The following CALCR variants were observed in gnomAD, a reference collection of about 807,000 sequenced individuals.
The protein encoded by CALCR is calcitonin receptor.
A neutral mutation model predicts 59.5 loss-of-function variants in CALCR; 47 were observed. That is an observed-to-expected ratio of 0.79 (90% CI 0.63 to 1.01). CALCR has a LOEUF of 1.01. Among genes scored for constraint, CALCR ranks in the 50% least tolerant of loss-of-function variants. The pLI, the probability that CALCR is intolerant of heterozygous loss-of-function variation, is 0.00. For missense variants in CALCR, 566 were observed against 597.1 expected (o/e 0.95, Z 0.54); for synonymous variants, 213 against 211.3 (o/e 1.01, Z -0.07).
chr7:93,467,160 T>C (rs1385585650), intron 7 of CALCR, among the ~76,000 whole-genome samples: 4 of 151,798 alleles, frequency 2.6e-5, no homozygotes, highest in South Asian at 2.1e-4. Flanking sequence ...TGAAGTGCAA[T>C]TGAAAAATGA....
At chr7:93,472,102 C>T (rs936489183) in intron 6 of CALCR, among the ~76,000 whole-genome samples, 1 of 151,772 alleles carries the variant, frequency 6.6e-6, no homozygotes, top group African/African-American at 2.4e-5. Context: ...CTTTCATCTG[C>T]TCTATGGACA....
chr7:93,564,258 G>A (rs751472053), intron 2 of CALCR, among the ~76,000 whole-genome samples: 6 of 152,082 alleles, frequency 3.9e-5, no homozygotes, highest in Non-Finnish European at 7.4e-5. Context: ...TGTGGGGGGG[G>A]ACAGAGTGCT....
chr7:93,560,746 A>T (rs1273061797), intron 2 of CALCR, among the ~76,000 whole-genome samples: 5 of 152,106 alleles, frequency 3.3e-5, no homozygotes, highest in Non-Finnish European at 7.4e-5. Flanking sequence ...CCATTACTAA[A>T]ATTGTGGTGT....
At chr7:93,556,883 T>C (rs1467584478) in intron 2 of CALCR, among the ~76,000 whole-genome samples, 1 of 152,032 alleles carries the variant, frequency 6.6e-6, no homozygotes, top group Non-Finnish European at 1.5e-5. Flanking sequence ...TAAAGATATG[T>C]ACAGAAAGAC....
chr7:93,561,431 G>C (rs1789745548), intron 2 of CALCR, among the ~76,000 whole-genome samples: 1 of 151,890 alleles, frequency 6.6e-6, no homozygotes, highest in African/African-American at 2.4e-5. Context: ...TAGCATTTTT[G>C]CTTTTTCAAA....
chr7:93,459,632 G>A (rs1800276267), intron 8 of CALCR, among the ~76,000 whole-genome samples: 1 of 152,098 alleles, frequency 6.6e-6, no homozygotes, highest in African/African-American at 2.4e-5. Flanking sequence ...CATACCTACT[G>A]ACTCTCTAGT....
chr7:93,464,801 G>A (rs1042566822), intron 7 of CALCR, among the ~76,000 whole-genome samples: 1 of 151,856 alleles, frequency 6.6e-6, no homozygotes, highest in Non-Finnish European at 1.5e-5. Flanking sequence ...TGGTTTCCTT[G>A]GAGCAACAGG....
At chr7:93,444,997 A>G (rs992933747) in intron 8 of CALCR, among the ~76,000 whole-genome samples, 1 of 152,124 alleles carries the variant, frequency 6.6e-6, no homozygotes, top group Non-Finnish European at 1.5e-5. Context: ...CTGAGCCAAC[A>G]GATATTCTAC....
intron 5 of CALCR, 56 bp downstream of exon 5, chr7:93,477,502 C>G: frequency 8.1e-7 from 1 of 1,229,024 alleles, no homozygotes; most frequent in Non-Finnish European, 1.2e-6. Context: ...TTCTCAAAAC[C>G]ATGAAAACTC....
intron 2 of CALCR, among the ~76,000 whole-genome samples, chr7:93,551,839 C>A (rs1340571281): frequency 6.6e-6 from 1 of 151,952 alleles, no homozygotes; most frequent in Non-Finnish European, 1.5e-5. Context: ...GTGTGTTAAG[C>A]CCATTTAAGT....
At chr7:93,438,349 G>A (rs1303788584) in intron 9 of CALCR, 79 bp from the exon 10 acceptor site, 10 of 1,060,606 alleles carry the variant, frequency 9.4e-6, no homozygotes, top group South Asian at 9.0e-5. Context: ...CAATGGTAGT[G>A]TACTTGCAAA....
chr7:93,470,995 A>G (rs1301719937), intron 6 of CALCR, among the ~76,000 whole-genome samples: 1 of 141,706 alleles, frequency 7.1e-6, no homozygotes, highest in Admixed American at 7.9e-5. Flanking sequence ...CTCATTGTTC[A>G]ATTCCCACCT....
intron 9 of CALCR, among the ~76,000 whole-genome samples, chr7:93,438,549 A>G (rs1799833000): frequency 6.6e-6 from 1 of 152,194 alleles, no homozygotes; most frequent in Non-Finnish European, 1.5e-5. Flanking sequence ...TATGACTATT[A>G]TTACCATTGT....
At chr7:93,562,089 A>C (rs1789763899) in intron 2 of CALCR, among the ~76,000 whole-genome samples, 3 of 151,632 alleles carry the variant, frequency 2.0e-5, no homozygotes, top group Admixed American at 2.0e-4. Context: ...CTTTATATTA[A>C]GCCTTCAATA....
In CALCR at chr7:93,459,764, C is replaced by T. The variant is rs561743160; in HGVS notation, c.648+1057G>A. 2.6e-5 allele frequency among the ~76,000 whole-genome samples: 4 copies of T among 152,194 alleles called. No individual in the cohort carries two copies. The South Asian group carries it at 8.3e-4, about 32-fold the overall frequency. ...GAGTATAAAGAGAGAAGACTGATGACAAATATGGGTTATTCTGAACAACTC... is the reference window on the plus strand; with the variant it reads ...GAGTATAAAGAGAGAAGACTGATGATAAATATGGGTTATTCTGAACAACTC... On this transcript the variant is annotated intron_variant, in intron 8 of 13. Transcript: ENST00000426151.
chr7:93,490,917 G>A (rs1376082821), intron 2 of CALCR, among the ~76,000 whole-genome samples: 10 of 151,198 alleles, frequency 6.6e-5, no homozygotes, highest in African/African-American at 2.2e-4. Context: ...TTTAAATTTC[G>A]TATGGGATCA....
In CALCR at chr7:93,449,117, G is replaced by T. The variant is rs559143015; in HGVS notation, c.649-5360C>A. On this transcript the variant is annotated intron_variant, in intron 8 of 13. Coordinates refer to ENST00000426151, the MANE Select transcript of CALCR (RefSeq NM_001742.4). Reference sequence around the variant, plus strand: ...AATCAAAGCTGCCAATTTTATTTCTGCCAAGTTTTGTTTCAAAACAGAAAT... The same window carrying T: ...AATCAAAGCTGCCAATTTTATTTCTTCCAAGTTTTGTTTCAAAACAGAAAT... Among the ~76,000 whole-genome samples the T allele has an allele frequency of 7.2e-5, 11 of 152,032 alleles. No individual in the cohort carries two copies. In the South Asian group the frequency reaches 2.3e-3, roughly 32 times the overall value.
At chr7:93,543,365 G>A (rs545793983) in intron 2 of CALCR, among the ~76,000 whole-genome samples, 2 of 152,124 alleles carry the variant, frequency 1.3e-5, no homozygotes, top group African/African-American at 2.4e-5. Context: ...GGCTGGTCTC[G>A]AACTCCTGAT....
intron 2 of CALCR, among the ~76,000 whole-genome samples, chr7:93,545,003 A>T (rs1789247451): frequency 6.6e-6 from 1 of 152,168 alleles, no homozygotes; most frequent in East Asian, 1.9e-4. Context: ...GACTGTGGAG[A>T]AGGGCAGAAA....
Sources: allele counts gnomAD v4.1 joint callset (sites outside exome capture counted in the v4.1 genomes callset), GRCh38; gene constraint gnomAD v4.1.1; transcripts MANE v1.5; gene names NCBI Gene and HGNC (gene_info 2026-07-23, HGNC 2026-07-21).